Variants in DIP2C observed in about 807,000 individuals in gnomAD.
DIP2C encodes the protein DIP2 acetate--CoA ligase C (putative), also known as disco-interacting protein 2 homolog C.
In DIP2C, 33 loss-of-function variants were observed where a neutral mutation model predicts 192.4. The observed-to-expected ratio is 0.17, with a 90% confidence interval of 0.13 to 0.23. The LOEUF is 0.23. DIP2C is among the 10% of genes least tolerant of loss of function. DIP2C has a pLI of 1.00. For missense variants in DIP2C, 1,537 were observed against 2,110.1 expected, an observed-to-expected ratio of 0.73 and a Z score of 5.32; for synonymous variants, 979 against 864.1, an observed-to-expected ratio of 1.13 and a Z score of -2.33.
chr10:414,728 TGTGTGTGTGTGTA>T (rs1965439824), intron 7 of DIP2C, among the ~76,000 whole-genome samples: 1 of 81,856 alleles, frequency 1.2e-5, no homozygotes, highest in Non-Finnish European at 2.3e-5. Context: ...TGTGTGTGTG[TGTGTGTGTGTGTA>T]CATATATATA....
intron 1 of DIP2C, among the ~76,000 whole-genome samples, chr10:610,627 G>A (rs1422415746): frequency 2.6e-5 from 4 of 152,250 alleles, no homozygotes; most frequent in Non-Finnish European, 4.4e-5. Flanking sequence ...GCAAGTGCAG[G>A]TAAGAACGGG....
At chr10:285,153 CAAA>C (rs34031685) in intron 34 of DIP2C, among the ~76,000 whole-genome samples, 7 of 124,514 alleles carry the variant, frequency 5.6e-5, no homozygotes, top group African/African-American at 1.2e-4. Flanking sequence ...AGTGAGGGGC[CAAA>C]AAAAAAAAAA....
At chr10:628,302 A>G (rs1275875449) in intron 1 of DIP2C, among the ~76,000 whole-genome samples, 1 of 152,260 alleles carries the variant, frequency 6.6e-6, no homozygotes, top group East Asian at 1.9e-4. Context: ...GCCTGTGGTT[A>G]TTCCCTGAAG....
intron 1 of DIP2C, among the ~76,000 whole-genome samples, chr10:539,696 G>A (rs535550521): frequency 6.6e-6 from 1 of 152,252 alleles, no homozygotes; most frequent in South Asian, 2.1e-4. Context: ...TTATCTTTTT[G>A]TCCACTGATC....
At chr10:494,977 T>C (rs1486449205) in intron 1 of DIP2C, among the ~76,000 whole-genome samples, 1 of 152,214 alleles carries the variant, frequency 6.6e-6, no homozygotes, top group Non-Finnish European at 1.5e-5. Context: ...CGATGTGGAA[T>C]TGACCTACGC....
Position 488,963 on chromosome 10 carries a change from C to T in DIP2C, c.86-2433G>A, listed in dbSNP as rs571342061. Among the ~76,000 whole-genome samples, 7 of 152,264 alleles carry T rather than the reference C, an allele frequency of 4.6e-5. 1 individual carries two copies. The South Asian group carries it at 1.2e-3, about 27-fold the overall frequency. On this transcript the variant is annotated intron_variant, in intron 1 of 36. Transcript: ENST00000280886. ...GCAGGTAAGTGACTGGCTGGGAGTG[C>T]GCTGAAGACCTGGGCAGACGCGGGG...
intron 2 of DIP2C, among the ~76,000 whole-genome samples, chr10:483,382 C>T (rs776159535): frequency 2.9e-4 from 44 of 152,230 alleles, no homozygotes; most frequent in Non-Finnish European, 5.6e-4. Context: ...GCTTTGGAAA[C>T]GTCTGCGTTC....
intron 6 of DIP2C, among the ~76,000 whole-genome samples, chr10:417,770 G>A (rs371962142): frequency 0.023 from 1,735 of 76,784 alleles, 232 homozygotes; most frequent in East Asian, 0.051. Context: ...CTGTCCACCT[G>A]CACCTGTCAG....
At chr10:384,250 G>T (rs555674199) in intron 15 of DIP2C, 104 bp from the exon 16 acceptor site, 131 of 1,193,644 alleles carry the variant, frequency 1.1e-4, no homozygotes, top group Non-Finnish European at 1.5e-4. Context: ...AAGAATCACT[G>T]GTCACCCAGC....
chr10:485,064 AC>A, intron 2 of DIP2C: 1 of 1,311,078 alleles, frequency 7.6e-7, no homozygotes, highest in Non-Finnish European at 1.0e-6. Context: ...CACCAAGGGG[AC>A]CACAGGGCAC....
chr10:302,540 C>A (rs1564526387), intron 32 of DIP2C, among the ~76,000 whole-genome samples: 1 of 152,172 alleles, frequency 6.6e-6, no homozygotes, highest in Non-Finnish European at 1.5e-5. Context: ...AAAGTACAGT[C>A]ATGTACTTAA....
intron 32 of DIP2C, among the ~76,000 whole-genome samples, chr10:289,464 C>T (rs1955362743): frequency 6.6e-6 from 1 of 152,142 alleles, no homozygotes; most frequent in Non-Finnish European, 1.5e-5. Context: ...GAGGAGATCT[C>T]ACTATGTTGC....
At chr10:391,365 C>T (rs1963442782) in intron 10 of DIP2C, among the ~76,000 whole-genome samples, 1 of 152,256 alleles carries the variant, frequency 6.6e-6, no homozygotes, top group Non-Finnish European at 1.5e-5. Context: ...GGAAGGAAGA[C>T]CTGGGTCACT....
At chr10:667,702 C>T (rs1857181392) in intron 1 of DIP2C, 1 of 151,964 alleles carries the variant, frequency 6.6e-6, no homozygotes, top group Non-Finnish European at 1.5e-5. Context: ...ACATACAGCA[C>T]ACGTAACACA....
At chr10:620,420 G>A (rs957143599) in intron 1 of DIP2C, among the ~76,000 whole-genome samples, 3 of 152,152 alleles carry the variant, frequency 2.0e-5, no homozygotes, top group Non-Finnish European at 2.9e-5. Flanking sequence ...AACGGCACAC[G>A]GAGAGGGGCT....
At chr10:333,282 G>A (rs116352141) in intron 29 of DIP2C, among the ~76,000 whole-genome samples, 1,542 of 152,286 alleles carry the variant, frequency 0.01, 26 homozygotes, top group African/African-American at 0.029. Flanking sequence ...AGCACAGAAT[G>A]GCTTTTAATA....
At chr10:589,037 G>T (rs1284706541) in intron 1 of DIP2C, among the ~76,000 whole-genome samples, 1 of 152,134 alleles carries the variant, frequency 6.6e-6, no homozygotes, top group African/African-American at 2.4e-5. Flanking sequence ...CAGCAGGGGT[G>T]TAAAAAAATT....
intron 1 of DIP2C, among the ~76,000 whole-genome samples, chr10:646,560 A>G: frequency 6.6e-6 from 1 of 152,246 alleles, no homozygotes. Context: ...TACAGTGAGA[A>G]ATCAATGCAG....
At chr10:576,673 G>T (rs1850182093) in intron 1 of DIP2C, among the ~76,000 whole-genome samples, 1 of 152,142 alleles carries the variant, frequency 6.6e-6, no homozygotes, top group African/African-American at 2.4e-5. Flanking sequence ...CTTTAGGAAG[G>T]TGAGGTGGGT....
Sources: gnomAD v4.1 joint callset for allele counts (sites outside exome capture counted in the v4.1 genomes callset) on GRCh38, gnomAD v4.1.1 for gene constraint, MANE v1.5 for transcripts, NCBI Gene and HGNC (gene_info 2026-07-23, HGNC 2026-07-21) for gene names.